Variants in ST6GALNAC6 observed in about 807,000 individuals in gnomAD.
ST6GALNAC6 encodes the protein ST6 N-acetylgalactosaminide alpha-2,6-sialyltransferase 6.
ST6GALNAC6 carries 19 observed loss-of-function variants against 34.3 expected under a neutral mutation model. The observed-to-expected ratio is 0.55, with a 90% CI of 0.39 to 0.81. The LOEUF is 0.81. Among genes scored for constraint, ST6GALNAC6 ranks in the 40% least tolerant of loss-of-function variants. The probability of loss-of-function intolerance (pLI) is 0.00; values close to 1 mark genes in which losing one functional copy is unlikely to be tolerated. For synonymous variants in ST6GALNAC6, 185 were observed against 182.1 expected, an observed-to-expected ratio of 1.02 and a Z score of -0.13; for missense variants, 377 against 467.7, an observed-to-expected ratio of 0.81 and a Z score of 1.79.
upstream of ST6GALNAC6, among the ~76,000 whole-genome samples, chr9:127,906,380 C>T (rs1057059378): frequency 6.6e-6 from 1 of 151,928 alleles, no homozygotes. Flanking sequence ...GCTGACAGCC[C>T]GAGGCCCTGG....
upstream of ST6GALNAC6, chr9:127,905,518 G>C: frequency 2.5e-6 from 2 of 805,956 alleles, no homozygotes; most frequent in Non-Finnish European, 3.0e-6. Context: ...CAGCCTCCCA[G>C]GAGAGAGTGG....
At chr9:127,898,866 G>A (rs1364538592) in intron 1 of ST6GALNAC6, among the ~76,000 whole-genome samples, 2 of 152,366 alleles carry the variant, frequency 1.3e-5, no homozygotes, top group East Asian at 3.9e-4. Context: ...GGGTCTAGGG[G>A]TGCCGGCCTG....
In ST6GALNAC6 at chr9:127,890,545, G is replaced by A; in HGVS notation, c.704+92C>T. The stretch of plus-strand genomic sequence containing the variant: ...CGGCGGGACTTGACTACCCCTCAGA[G>A]CAGTGCATGCTGGGAGCAACAGGCC... On this transcript the variant is annotated intron_variant, in intron 5 of 6. Coordinates refer to ENST00000373146, the MANE Select transcript of ST6GALNAC6 (RefSeq NM_013443.5). The surrounding 1 kb of genome is among the most constrained non-coding windows in gnomAD (Gnocchi z 4.3). 2 of 1,568,024 alleles carry A rather than the reference G, an allele frequency of 1.3e-6. No individual in the cohort carries two copies. The highest frequency in any genetic ancestry group is 1.7e-6 in the Non-Finnish European group (2 of 1,150,032).
chr9:127,898,571 T>C (rs1396157924), intron 1 of ST6GALNAC6, among the ~76,000 whole-genome samples: 1 of 152,210 alleles, frequency 6.6e-6, no homozygotes, highest in Non-Finnish European at 1.5e-5. Flanking sequence ...TTTCCCGGAA[T>C]ATCAAGGAAT....
At chr9:127,888,050 C>T (rs964324728) in intron 5 of ST6GALNAC6, among the ~76,000 whole-genome samples, 2 of 152,192 alleles carry the variant, frequency 1.3e-5, no homozygotes, top group Non-Finnish European at 2.9e-5. Flanking sequence ...ACAGTGGCCA[C>T]CAGCCATGTG....
In ST6GALNAC6 at chr9:127,890,911, A is replaced by C. The variant is rs1830096171; in HGVS notation, c.430T>G (p.Ser144Ala). 1 of 1,614,032 alleles carries C rather than the reference A, an allele frequency of 6.2e-7. No individual in the cohort carries two copies. Among genetic ancestry groups the C allele is most frequent in the Admixed American group, 1.7e-5 (1 of 59,996 alleles). ...GTGGTCTTGTTGCCCACATCAGCTG[A>C]GTAGCCAGTGGTGGGTGCATCATTC... Reference protein sequence around the residue: ...RMNDAPTTGYSADVGNKTTYR... With the variant: ...RMNDAPTTGYAADVGNKTTYR... The change falls in exon 5 of 7, where the codon TCA becomes GCA. Residue 144 changes from serine (S) to alanine (A), a missense_variant. Physicochemically the swap from Ser to Ala is moderately conservative, Grantham distance 99 (BLOSUM62 1). Coordinates refer to ENST00000373146, the MANE Select transcript of ST6GALNAC6 (RefSeq NM_013443.5). This position sits in a 1 kb window ranked among gnomAD's most constrained non-coding sequence, Gnocchi z 4.3.
At chr9:127,900,560 CAAAAAAAAAAAA>C (rs71380101), upstream of ST6GALNAC6, among the ~76,000 whole-genome samples, 2 of 44,170 alleles carry the variant, frequency 4.5e-5, no homozygotes, top group Non-Finnish European at 7.0e-5. Flanking sequence ...AACTCCGTCT[CAAAAAAAAAAAA>C]AAAAAAAAAA....
chr9:127,889,099 G>A (rs577121525), intron 5 of ST6GALNAC6, among the ~76,000 whole-genome samples: 254 of 152,054 alleles, frequency 1.7e-3, no homozygotes, highest in Non-Finnish European at 3.1e-3. Flanking sequence ...CTGTAATCCC[G>A]GCACTTTGGG....
intron 5 of ST6GALNAC6, among the ~76,000 whole-genome samples, chr9:127,887,957 A>C (rs1314730813): frequency 1.3e-5 from 2 of 152,224 alleles, no homozygotes; most frequent in Non-Finnish European, 2.9e-5. Context: ...GGGGAGACTA[A>C]TCAGATAAGT....
Position 127,896,206 on chromosome 9 carries a change from A to G in ST6GALNAC6, c.117+36T>C. On this transcript the variant is annotated intron_variant, in intron 3 of 6. Coordinates refer to ENST00000373146, the MANE Select transcript of ST6GALNAC6 (RefSeq NM_013443.5). The stretch of plus-strand genomic sequence containing the variant: ...AACCCGTTCCATGGAGGGAAGTGAG[A>G]GGCTCAATGGGGTTAAGAAATGAAG... 2.5e-6 allele frequency: 4 copies of G among 1,605,178 alleles called. No homozygotes were observed. The South Asian group carries it at 4.4e-5, about 18-fold the overall frequency.
Position 127,896,316 on chromosome 9 carries a change from G to C in ST6GALNAC6, c.43C>G (p.Leu15Val). Reference sequence around the variant, plus strand: ...CGTCCTGCAGGTGGCCCTGGGGGCAGGGATGTGGGTTCACACCTGCAAGCC... The same window carrying C: ...CGTCCTGCAGGTGGCCCTGGGGGCACGGATGTGGGTTCACACCTGCAAGCC... ...RPPSQCEPTS[L>V]PPGPPAGRRH... Residue 15 changes from leucine to valine, a missense_variant, in exon 3 of 7, where the codon CTG becomes GTG. By Grantham distance (32) the Leu-to-Val change is conservative. Transcript: ENST00000373146. 6.2e-7 allele frequency: 1 copy of C among 1,613,242 alleles called. No individual in the cohort carries two copies. Among genetic ancestry groups the C allele is most frequent in the Non-Finnish European group, 8.5e-7 (1 of 1,179,504 alleles).
intron 3 of ST6GALNAC6, among the ~76,000 whole-genome samples, chr9:127,895,574 T>C (rs951893504): frequency 6.6e-6 from 1 of 152,238 alleles, no homozygotes; most frequent in Non-Finnish European, 1.5e-5. Flanking sequence ...GCTCCTTATA[T>C]TAATATCTGC....
Position 127,890,511 on chromosome 9 carries a change from A to G in ST6GALNAC6, c.704+126T>C. 7.2e-7 allele frequency: 1 copy of G among 1,388,258 alleles called. No individual in the cohort carries two copies. Among genetic ancestry groups the G allele is most frequent in the South Asian group, 1.4e-5 (1 of 72,466 alleles). The allele number at this position is 1,388,258 out of a possible 1,614,324, so 86.0% of individuals were successfully genotyped here. On this transcript the variant is annotated intron_variant, in intron 5 of 6. Coordinates refer to ENST00000373146, the MANE Select transcript of ST6GALNAC6 (RefSeq NM_013443.5). This position sits in a 1 kb window ranked among gnomAD's most constrained non-coding sequence, Gnocchi z 4.3. ...GAAGAGAACTCTCCTAGGAGGCCCAACCAGAGGACGGCGGGACTTGACTAC... is the reference window on the plus strand; with the variant it reads ...GAAGAGAACTCTCCTAGGAGGCCCAGCCAGAGGACGGCGGGACTTGACTAC...
Position 127,890,944 on chromosome 9 carries a change from T to A in ST6GALNAC6, c.397A>T (p.Ile133Phe). ...GPEIERAECT[I>F]RMNDAPTTGY... ...GTGGTGGGTGCATCATTCATGCGGA[T>A]TGTACACTCAGCCCGCTCGATCTCA... Residue 133 changes from isoleucine to phenylalanine, a missense_variant, in exon 5 of 7, where the codon ATC becomes TTC. By Grantham distance (21) the Ile-to-Phe change is conservative (BLOSUM62 0). Coordinates refer to ENST00000373146, the MANE Select transcript of ST6GALNAC6 (RefSeq NM_013443.5). This position sits in a 1 kb window ranked among gnomAD's most constrained non-coding sequence, Gnocchi z 4.3. 1 of 1,613,986 alleles carries A rather than the reference T, an allele frequency of 6.2e-7. No individual in the cohort carries two copies. The highest frequency in any genetic ancestry group is 8.5e-7 in the Non-Finnish European group (1 of 1,179,976).
At chr9:127,899,448 A>C (rs1243296612) in intron 1 of ST6GALNAC6, 55 bp downstream of exon 1, 148 of 430,394 alleles carry the variant, frequency 3.4e-4, no homozygotes, top group Middle Eastern at 1.2e-3. Context: ...CCTCCGCCCC[A>C]GCCCCCGCCT....
rs948582651 is a variant in ST6GALNAC6 at position 127,905,075 on chromosome 9, T to C, written c.-77+132A>G. On this transcript the variant is annotated intron_variant, in intron 1 of 5. Transcript: ENST00000622357. Reference sequence around the variant, plus strand: ...GCTTCCCCTCTGGGCTTGGAGGAAGTAGGGTAGGTCCTCAGCCACTCTGCT... The same window carrying C: ...GCTTCCCCTCTGGGCTTGGAGGAAGCAGGGTAGGTCCTCAGCCACTCTGCT... 1.7e-5 allele frequency: 6 copies of C among 362,180 alleles called. No individual in the cohort carries two copies. The South Asian group carries it at 5.6e-4, about 34-fold the overall frequency. 22.4% of individuals were successfully genotyped at this position (362,180 alleles called of 1,614,324 possible). A position where few individuals can be genotyped will look rare whatever the true frequency, so the allele number is the denominator to read the frequency against.
At chr9:127,900,805 C>T (rs1035957256), upstream of ST6GALNAC6, among the ~76,000 whole-genome samples, 1 of 149,734 alleles carries the variant, frequency 6.7e-6, no homozygotes, top group Non-Finnish European at 1.5e-5. Flanking sequence ...CACCCCACCC[C>T]GCCTCCAGTC....
upstream of ST6GALNAC6, among the ~76,000 whole-genome samples, chr9:127,901,593 C>G (rs992300605): frequency 6.9e-6 from 1 of 145,682 alleles, no homozygotes; most frequent in Admixed American, 6.9e-5. Context: ...CCAGCCTGGG[C>G]GACAGAGAGA....
At chr9:127,886,828 C>T (rs1829790418) in intron 6 of ST6GALNAC6, 40 bp from the exon 7 acceptor site, 2 of 1,548,668 alleles carry the variant, frequency 1.3e-6, no homozygotes, top group African/African-American at 1.4e-5. Flanking sequence ...GCAAGGTGAG[C>T]GCTGGCAGGG....
Sources: allele counts gnomAD v4.1 joint callset (sites outside exome capture counted in the v4.1 genomes callset), GRCh38; gene constraint gnomAD v4.1.1; non-coding constraint Gnocchi (gnomAD v3.1); transcripts MANE v1.5; gene names NCBI Gene and HGNC (gene_info 2026-07-23, HGNC 2026-07-21).